Variants in CNTN5 observed in about 807,000 individuals in gnomAD.
CNTN5 encodes the protein contactin 5, also known as contactin-5.
CNTN5 carries 77 observed loss-of-function variants against 129.1 expected under a neutral mutation model. The observed-to-expected ratio is 0.60, with a 90% confidence interval of 0.50 to 0.72. The LOEUF (loss-of-function observed/expected upper bound fraction) is 0.72, where lower values mean the gene tolerates loss of function less well. Among genes scored for constraint, CNTN5 ranks in the 30% least tolerant of loss-of-function variants. The pLI is 0.00. For missense variants in CNTN5, 1,478 were observed against 1,328.8 expected, an observed-to-expected ratio of 1.11 and a Z score of -1.75; for synonymous variants, 509 against 465.6, an observed-to-expected ratio of 1.09 and a Z score of -1.20.
chr11:99,660,826 T>A (rs186747393), intron 3 of CNTN5, among the ~76,000 whole-genome samples: 1 of 152,024 alleles, frequency 6.6e-6, no homozygotes, highest in Non-Finnish European at 1.5e-5. Flanking sequence ...TAGTTGTTTT[T>A]TTCTTCTCTA....
chr11:99,446,402 T>C (rs1397318782), intron 2 of CNTN5, among the ~76,000 whole-genome samples: 1 of 152,214 alleles, frequency 6.6e-6, no homozygotes, highest in Admixed American at 6.5e-5. Context: ...ATCATTTATA[T>C]TTTCACTTGG....
chr11:99,530,926 G>T (rs1272546545), intron 2 of CNTN5, among the ~76,000 whole-genome samples: 1 of 152,196 alleles, frequency 6.6e-6, no homozygotes, highest in Non-Finnish European at 1.5e-5. Flanking sequence ...TCAGCAGCAT[G>T]AAAACAGACT....
chr11:99,171,614 A>G (rs1861152873), intron 1 of CNTN5, among the ~76,000 whole-genome samples: 1 of 152,200 alleles, frequency 6.6e-6, no homozygotes. Context: ...CAATCAAGTC[A>G]CCTGAAGTGC....
chr11:99,507,375 CAAAAAAAAAA>C (rs35059394), intron 2 of CNTN5, among the ~76,000 whole-genome samples: 14 of 87,420 alleles, frequency 1.6e-4, no homozygotes, highest in Non-Finnish European at 2.0e-4. Flanking sequence ...GACTCTGTCT[CAAAAAAAAAA>C]AAAAAAAAAA....
chr11:100,252,328 G>C (rs770453019), intron 16 of CNTN5, among the ~76,000 whole-genome samples: 1 of 152,082 alleles, frequency 6.6e-6, no homozygotes, highest in African/African-American at 2.4e-5. Flanking sequence ...CCTTTCACGT[G>C]AATAGTCTGC....
At chr11:99,026,457 A>G (rs965535950) in intron 1 of CNTN5, among the ~76,000 whole-genome samples, 8 of 151,718 alleles carry the variant, frequency 5.3e-5, no homozygotes, top group African/African-American at 1.9e-4. Flanking sequence ...TTGAAACTCT[A>G]AGCTTCATAA....
At chr11:99,373,099 C>T (rs965007895) in intron 2 of CNTN5, among the ~76,000 whole-genome samples, 1 of 152,086 alleles carries the variant, frequency 6.6e-6, no homozygotes, top group African/African-American at 2.4e-5. Flanking sequence ...ATCCCAGCTA[C>T]TCAGGAGGGT....
chr11:99,165,062 A>C (rs1860808690), intron 1 of CNTN5, among the ~76,000 whole-genome samples: 2 of 152,168 alleles, frequency 1.3e-5, no homozygotes, highest in Non-Finnish European at 2.9e-5. Flanking sequence ...ACATTCTTTA[A>C]ATAATCTGGT....
At chr11:99,689,650 T>C (rs1221893465) in intron 3 of CNTN5, among the ~76,000 whole-genome samples, 2 of 151,040 alleles carry the variant, frequency 1.3e-5, no homozygotes, top group Non-Finnish European at 3.0e-5. Context: ...TATCTCATTG[T>C]GGTTTTGATT....
At chr11:100,054,127 C>A (rs2137760187) in intron 9 of CNTN5, among the ~76,000 whole-genome samples, 1 of 151,732 alleles carries the variant, frequency 6.6e-6, no homozygotes, top group South Asian at 2.1e-4. Flanking sequence ...TCCTAATTTT[C>A]CTGATTGTTC....
chr11:100,024,122 A>T (rs1941294879), intron 9 of CNTN5, among the ~76,000 whole-genome samples: 1 of 152,150 alleles, frequency 6.6e-6, no homozygotes, highest in Non-Finnish European at 1.5e-5. Context: ...CAAGGGAGAG[A>T]CCAGGTGGAG....
chr11:99,499,497 G>A (rs1946348941), intron 2 of CNTN5, among the ~76,000 whole-genome samples: 1 of 152,086 alleles, frequency 6.6e-6, no homozygotes, highest in South Asian at 2.1e-4. Flanking sequence ...ACCTGCTGGT[G>A]CCTTGGTCTT....
intron 1 of CNTN5, among the ~76,000 whole-genome samples, chr11:99,043,258 A>G (rs905725707): frequency 2.0e-5 from 3 of 149,990 alleles, no homozygotes; most frequent in Non-Finnish European, 4.5e-5. Context: ...AGCATTAGGT[A>G]TATCTCCCAA....
chr11:99,983,766 T>C (rs1938500889), intron 8 of CNTN5, among the ~76,000 whole-genome samples: 1 of 152,176 alleles, frequency 6.6e-6, no homozygotes, highest in South Asian at 2.1e-4. Flanking sequence ...AAGAATACAG[T>C]TGTACAATAA....
chr11:99,661,570 G>T (rs889294901), intron 3 of CNTN5, among the ~76,000 whole-genome samples: 2 of 151,898 alleles, frequency 1.3e-5, no homozygotes, highest in Admixed American at 6.6e-5. Flanking sequence ...CGATGTGCAT[G>T]CATTTGTTTG....
At chr11:100,149,161 C>CT (rs1232347246) in intron 13 of CNTN5, among the ~76,000 whole-genome samples, 4 of 152,164 alleles carry the variant, frequency 2.6e-5, no homozygotes, top group Non-Finnish European at 4.4e-5. Context: ...TGAAGCATCA[C>CT]TTTTCATTTA....
chr11:99,682,552 A>G lies in CNTN5; in HGVS notation c.55+126283A>G, dbSNP rs569060317. ...AAAAGGAGACAATACATTGAGAAAC[A>G]CAGTAAACAAAATATAATTCAAACA... On this transcript the variant is annotated intron_variant, in intron 3 of 24. Transcript: ENST00000524871. Among the ~76,000 whole-genome samples, 46 of 151,998 alleles carry G rather than the reference A, an allele frequency of 3.0e-4. No homozygotes were observed. In the South Asian group the frequency reaches 8.3e-3, roughly 27 times the overall value.
At chr11:99,347,747 C>T (rs1448896521) in intron 2 of CNTN5, among the ~76,000 whole-genome samples, 7 of 152,196 alleles carry the variant, frequency 4.6e-5, no homozygotes, top group South Asian at 4.1e-4. Context: ...CGATATTTTT[C>T]GTTCTGAGGT....
rs1343769166 is a variant in CNTN5 at position 100,357,933 on chromosome 11, TTATAG to T, written c.*1716_*1720del. 1.3e-5 allele frequency: 2 copies of T among 151,792 alleles called. No homozygotes were observed. The highest frequency in any genetic ancestry group is 4.8e-5 in the African/African-American group (2 of 41,408). 9.4% of individuals were successfully genotyped at this position (151,792 alleles called of 1,614,324 possible). A position where few individuals can be genotyped will look rare whatever the true frequency, so the allele number is the denominator to read the frequency against. On this transcript the variant is annotated 3_prime_UTR_variant, in exon 25 of 25. Coordinates refer to ENST00000524871, the MANE Select transcript of CNTN5 (RefSeq NM_014361.4). ...TAGTTAAAAGACTCACTCAATGATA[TTATAG>T]TAAATACTACAGATGGTAAGTATTT...
Sources: gnomAD v4.1 joint callset for allele counts (sites outside exome capture counted in the v4.1 genomes callset) on GRCh38, gnomAD v4.1.1 for gene constraint, MANE v1.5 for transcripts, NCBI Gene and HGNC (gene_info 2026-07-23, HGNC 2026-07-21) for gene names.